PKLR: variants seen among roughly 807,000 people sequenced by gnomAD.
The protein encoded by PKLR is pyruvate kinase L/R, also known as pyruvate kinase PKLR.
In PKLR, 38 loss-of-function variants were observed where a neutral mutation model predicts 53.6. That is an observed-to-expected ratio of 0.71 (90% CI 0.55 to 0.93). PKLR has a LOEUF of 0.93. PKLR is among the 40% of genes least tolerant of loss of function. The pLI is 0.00. For synonymous variants in PKLR, 328 were observed against 316.2 expected, an observed-to-expected ratio of 1.04 and a Z score of -0.39; for missense variants, 702 against 787.3, an observed-to-expected ratio of 0.89 and a Z score of 1.30.
intron 5 of PKLR, 121 bp downstream of exon 5, chr1:155,294,995 G>C: frequency 1.1e-5 from 13 of 1,195,690 alleles, no homozygotes; most frequent in Non-Finnish European, 1.6e-5. Context: ...CTCCTGGGAC[G>C]GGCTGGCAAA....
At chr1:155,307,148 C>T in the PKLR span, among the ~76,000 whole-genome samples, 97 of 152,238 alleles carry the variant, frequency 6.4e-4, 2 homozygotes, top group South Asian at 0.019. Flanking sequence ...CTCCTGACCT[C>T]GTGATCCGCC....
chr1:155,290,661 G>A lies in PKLR; in HGVS notation c.1636C>T (p.Leu546Phe). ...GIESGKLRGF[L>F]RVGDLVIVVT... ...ACAATCACCAGGTCTCCAACACGGA[G>A]GAAGCCACGGAGCTTTCCTGGGGGA... The change falls in exon 11 of 11, where the codon CTC becomes TTC. Residue 546 changes from leucine to phenylalanine, a missense_variant. By Grantham distance (22) the Leu-to-Phe change is conservative (BLOSUM62 0). Transcript: ENST00000342741. The A allele has an allele frequency of 6.2e-7, 1 of 1,611,272 alleles. No homozygotes were observed. The highest frequency in any genetic ancestry group is 8.5e-7 in the Non-Finnish European group (1 of 1,177,572).
the PKLR span, among the ~76,000 whole-genome samples, chr1:155,307,088 A>AT: frequency 1.3e-5 from 2 of 151,808 alleles, no homozygotes; most frequent in African/African-American, 4.8e-5. Context: ...CTAATTTTGG[A>AT]TTTTTTAGTA....
chr1:155,308,013 G>A, the PKLR span, among the ~76,000 whole-genome samples: 1 of 151,846 alleles, frequency 6.6e-6, no homozygotes, highest in Admixed American at 6.6e-5. Context: ...CTGACCGCAG[G>A]TGATCCGCCC....
chr1:155,308,500 C>G, the PKLR span: 1 of 947,294 alleles, frequency 1.1e-6, no homozygotes, highest in Non-Finnish European at 1.3e-6. Context: ...AATGATTTGC[C>G]TAAAGTTAGA....
In PKLR at chr1:155,293,300, A is replaced by G; in HGVS notation, c.1313T>C (p.Phe438Ser). 1 of 1,614,202 alleles carries G rather than the reference A, an allele frequency of 6.2e-7. No homozygotes were observed. The change falls in exon 9 of 11, where the codon TTT (phenylalanine) becomes TCT (serine). Residue 438 changes from phenylalanine to serine, a missense_variant. Transcript: ENST00000342741. This position sits in a 1 kb window ranked among gnomAD's most constrained non-coding sequence, Gnocchi z 4.2. The stretch of plus-strand genomic sequence containing the variant: ...TGGCGCTGCCCGACGTAGCTCCTCA[A>G]ACAGCTGCCGGTGGTACACTGCGGC... ...AEAAVYHRQL[F>S]EELRRAAPLS...
At chr1:155,300,756 G>T in intron 1 of PKLR, 1 of 1,076,952 alleles carries the variant, frequency 9.3e-7, no homozygotes, top group Non-Finnish European at 1.4e-6. Flanking sequence ...CCAACCCCTG[G>T]CTACTGGCTG....
chr1:155,295,010 C>T lies in PKLR; in HGVS notation c.694+106G>A. On this transcript the variant is annotated intron_variant, in intron 5 of 10. Transcript: ENST00000342741. This position sits in a 1 kb window ranked among gnomAD's most constrained non-coding sequence, Gnocchi z 4.3. Reference sequence around the variant, plus strand: ...CTCCTGGGACGGGCTGGCAAAAACGCGTGGCCAGGGGAAGGTGTGATCGGT... The same window carrying T: ...CTCCTGGGACGGGCTGGCAAAAACGTGTGGCCAGGGGAAGGTGTGATCGGT... 4 of 1,320,332 alleles carry T rather than the reference C, an allele frequency of 3.0e-6. No homozygotes were observed. The highest frequency in any genetic ancestry group is 4.3e-6 in the Non-Finnish European group (4 of 935,552). The allele number at this position is 1,320,332 out of a possible 1,614,324, so 81.8% of individuals were successfully genotyped here.
chr1:155,294,436 TG>T (rs765886703), intron 6 of PKLR, 45 bp downstream of exon 6: 1 of 1,614,132 alleles, frequency 6.2e-7, no homozygotes, highest in South Asian at 1.1e-5. Context: ...AGAAAGGTGA[TG>T]GGGAATAGCG....
upstream of PKLR, among the ~76,000 whole-genome samples, chr1:155,302,426 G>A (rs1383742208): frequency 6.6e-6 from 1 of 151,146 alleles, no homozygotes; most frequent in East Asian, 2.0e-4. Context: ...TAGTAGAGAC[G>A]GGGTTTCACC....
At chr1:155,307,238 G>C in the PKLR span, among the ~76,000 whole-genome samples, 1 of 152,196 alleles carries the variant, frequency 6.6e-6, no homozygotes, top group Non-Finnish European at 1.5e-5. Flanking sequence ...CTTTGTTCAA[G>C]ATGCCAAGAA....
At chr1:155,308,539 C>A in the PKLR span, 1 of 984,830 alleles carries the variant, frequency 1.0e-6, no homozygotes, top group Non-Finnish European at 1.2e-6. Flanking sequence ...GCTAGTCCTG[C>A]TGCGTTTTAC....
upstream of PKLR, among the ~76,000 whole-genome samples, chr1:155,302,337 A>C (rs765895659): frequency 4.0e-5 from 6 of 150,210 alleles, no homozygotes; most frequent in Non-Finnish European, 5.9e-5. Flanking sequence ...CCTGGGTTCA[A>C]GCGATTATCC....
chr1:155,305,297 T>C (rs1648202524), upstream of PKLR, among the ~76,000 whole-genome samples: 1 of 152,166 alleles, frequency 6.6e-6, no homozygotes, highest in South Asian at 2.1e-4. Context: ...GCAAAAAGTC[T>C]TGTCAGGAGT....
Position 155,294,225 on chromosome 1 carries a change from C to T in PKLR, c.1116+10G>A, listed in dbSNP as rs780010017. The T allele has an allele frequency of 6.2e-7, 1 of 1,614,222 alleles. No individual in the cohort carries two copies. The highest frequency in any genetic ancestry group is 1.3e-5 in the African/African-American group (1 of 75,062). ...CACAGAGTGCCGAACCTCAAGGCCT[C>T]ACTCCAGACCTGTGTGGCACAGACA... On this transcript the variant is annotated intron_variant, in intron 7 of 10. Transcript: ENST00000342741.
rs188851677 is a variant in PKLR, at chr1:155,296,226, C to T, written c.284-470G>A. On this transcript the variant is annotated intron_variant, in intron 2 of 10. Coordinates refer to ENST00000342741, the MANE Select transcript of PKLR (RefSeq NM_000298.6). ...GCCGAGAGCAGGTTGGCTCATTCTT[C>T]GGTCCCTATCTGTCTTTCCACTTGT... Among the ~76,000 whole-genome samples the T allele has an allele frequency of 7.9e-5, 12 of 152,304 alleles. 1 individual carries two copies. In the South Asian group the frequency reaches 1.7e-3, roughly 21 times the overall value.
chr1:155,292,530 G>A (rs1391016349), intron 9 of PKLR, among the ~76,000 whole-genome samples: 1 of 152,090 alleles, frequency 6.6e-6, no homozygotes, highest in Non-Finnish European at 1.5e-5. Flanking sequence ...CCAGCTACTC[G>A]GAAGGCTGAG....
the PKLR span, among the ~76,000 whole-genome samples, chr1:155,306,459 G>T: frequency 6.6e-6 from 1 of 152,212 alleles, no homozygotes; most frequent in Non-Finnish European, 1.5e-5. The surrounding 1 kb of genome is among the most constrained non-coding windows in gnomAD (Gnocchi z 4.2). Context: ...AGCGAGGCCA[G>T]TCAGGTTTAA....
chr1:155,308,493 G>T, the PKLR span: 2 of 910,068 alleles, frequency 2.2e-6, no homozygotes, highest in Non-Finnish European at 2.6e-6. Context: ...GACGTTAAAT[G>T]ATTTGCCTAA....
Sources: gnomAD v4.1 joint callset for allele counts (sites outside exome capture counted in the v4.1 genomes callset) on GRCh38, gnomAD v4.1.1 for gene constraint, Gnocchi (gnomAD v3.1) non-coding constraint, MANE v1.5 for transcripts, NCBI Gene and HGNC (gene_info 2026-07-23, HGNC 2026-07-21) for gene names.